Variants in EXTL3 observed in about 807,000 individuals in gnomAD.
EXTL3 encodes exostosin-like 3.
Under a neutral mutation model 69.3 loss-of-function variants are expected in EXTL3, and 27 were observed. That is an observed-to-expected ratio of 0.39 (90% confidence interval 0.29 to 0.54). EXTL3 has a LOEUF of 0.54. Among genes scored for constraint, EXTL3 ranks in the 20% least tolerant of loss-of-function variants. The probability of loss-of-function intolerance (pLI) is 0.69; values close to 1 mark genes in which losing one functional copy is unlikely to be tolerated. For missense variants in EXTL3, 1,003 were observed against 1,231.8 expected (o/e 0.81, Z 2.78); for synonymous variants, 511 against 499.4 (o/e 1.02, Z -0.31).
chr8:28,703,633 G>A (rs1800859220), intron 1 of EXTL3, among the ~76,000 whole-genome samples: 1 of 152,054 alleles, frequency 6.6e-6, no homozygotes, highest in African/African-American at 2.4e-5. Context: ...AGGAGGGTGG[G>A]AGGGATTCCC....
chr8:28,719,453 C>T (rs968870072), intron 3 of EXTL3, among the ~76,000 whole-genome samples: 15 of 152,208 alleles, frequency 9.9e-5, no homozygotes, highest in Admixed American at 7.9e-4. Context: ...TGTATCCTCT[C>T]TACATCATTT....
At chr8:28,657,313 T>C (rs1807027267) in intron 1 of EXTL3, among the ~76,000 whole-genome samples, 1 of 152,122 alleles carries the variant, frequency 6.6e-6, no homozygotes, top group Admixed American at 6.6e-5. Context: ...TTAAACTCAG[T>C]GGGAGGAAGA....
chr8:28,671,309 G>GTTTT (rs749395423), intron 1 of EXTL3, among the ~76,000 whole-genome samples: 29 of 89,630 alleles, frequency 3.2e-4, no homozygotes, highest in East Asian at 7.1e-4. Flanking sequence ...TTTGTTTTTT[G>GTTTT]TTTTTTTTTT....
At chr8:28,731,133 A>C in intron 3 of EXTL3, 90 bp from the exon 4 acceptor site, 1 of 1,528,912 alleles carries the variant, frequency 6.5e-7, no homozygotes. Flanking sequence ...CAGTAAATCC[A>C]GCCATGGTCT....
intron 1 of EXTL3, among the ~76,000 whole-genome samples, chr8:28,657,696 A>C (rs1388763607): frequency 6.6e-6 from 1 of 152,142 alleles, no homozygotes. Flanking sequence ...ATTTAAAAAA[A>C]AAATTGGAAA....
intron 1 of EXTL3, among the ~76,000 whole-genome samples, chr8:28,687,332 G>A (rs538231010): frequency 2.6e-5 from 4 of 152,266 alleles, no homozygotes; most frequent in South Asian, 2.1e-4. Context: ...CAGGTGCAGC[G>A]GCATGCGCCT....
chr8:28,720,956 A>G (rs1007799782), intron 3 of EXTL3, among the ~76,000 whole-genome samples: 2 of 152,212 alleles, frequency 1.3e-5, no homozygotes, highest in Non-Finnish European at 2.9e-5. Context: ...CACCACTTTC[A>G]TGGCACCTGA....
At chr8:28,684,744 A>G (rs971959986) in intron 1 of EXTL3, among the ~76,000 whole-genome samples, 2 of 152,146 alleles carry the variant, frequency 1.3e-5, no homozygotes, top group Non-Finnish European at 2.9e-5. Context: ...CCTGCCTCAG[A>G]AAAAATATTT....
chr8:28,734,683 G>A (rs1385401957), intron 4 of EXTL3, among the ~76,000 whole-genome samples: 1 of 152,146 alleles, frequency 6.6e-6, no homozygotes, highest in Non-Finnish European at 1.5e-5. Flanking sequence ...CTTCTAGCCT[G>A]GGCAACAGAG....
At chr8:28,745,578 C>T (rs948432084) in intron 6 of EXTL3, among the ~76,000 whole-genome samples, 2 of 152,114 alleles carry the variant, frequency 1.3e-5, no homozygotes, top group Non-Finnish European at 2.9e-5. Context: ...CCTTATATAT[C>T]CTTTCTTATG....
At chr8:28,650,648 T>C (rs1158272716) in intron 1 of EXTL3, among the ~76,000 whole-genome samples, 4 of 152,150 alleles carry the variant, frequency 2.6e-5, no homozygotes, top group Admixed American at 2.6e-4. Context: ...TGAGCCACTG[T>C]GCCCGGCCTG....
upstream of EXTL3, among the ~76,000 whole-genome samples, chr8:28,619,298 A>C (rs1806374206): frequency 3.3e-5 from 3 of 91,466 alleles, no homozygotes; most frequent in Non-Finnish European, 6.5e-5. Flanking sequence ...AAAAAAAAAA[A>C]AAAAAAAAAA....
intron 5 of EXTL3, chr8:28,742,138 ACAT>A (rs1185855235): frequency 6.6e-6 from 1 of 152,254 alleles, no homozygotes; most frequent in African/African-American, 2.4e-5. Context: ...AGTAATTTCA[ACAT>A]CAACAGTAGA....
intron 1 of EXTL3, among the ~76,000 whole-genome samples, chr8:28,664,443 C>T (rs1387227137): frequency 2.0e-5 from 3 of 152,068 alleles, no homozygotes; most frequent in Admixed American, 6.5e-5. Flanking sequence ...AGTGAAGTGA[C>T]GTGATCATGG....
intron 1 of EXTL3, among the ~76,000 whole-genome samples, chr8:28,659,455 T>TA (rs765364490): frequency 6.6e-6 from 1 of 152,224 alleles, no homozygotes; most frequent in Non-Finnish European, 1.5e-5. Flanking sequence ...CACGCCTGAT[T>TA]AGAGTTCAGT....
At chr8:28,669,529 G>A (rs2130638625) in intron 1 of EXTL3, among the ~76,000 whole-genome samples, 1 of 152,328 alleles carries the variant, frequency 6.6e-6, no homozygotes, top group East Asian at 1.9e-4. Flanking sequence ...GCTTTCAGAA[G>A]TTTGAGAAGG....
intron 6 of EXTL3, among the ~76,000 whole-genome samples, chr8:28,746,807 C>A (rs1385068290): frequency 6.6e-6 from 1 of 152,140 alleles, no homozygotes; most frequent in Admixed American, 6.5e-5. Flanking sequence ...TTCTGAGTAG[C>A]TGGGACTATA....
At chr8:28,620,207 A>T (rs1806393175), upstream of EXTL3, among the ~76,000 whole-genome samples, 1 of 152,030 alleles carries the variant, frequency 6.6e-6, no homozygotes, top group South Asian at 2.1e-4. Flanking sequence ...TCCTGCAAGA[A>T]AAAAACTGAT....
At chr8:28,655,363 C>G (rs1169273841) in intron 1 of EXTL3, among the ~76,000 whole-genome samples, 3 of 152,178 alleles carry the variant, frequency 2.0e-5, no homozygotes, top group African/African-American at 7.2e-5. Context: ...AGATTGAATA[C>G]TTTGCCATGG....
Sources: gnomAD v4.1 joint callset for allele counts (sites outside exome capture counted in the v4.1 genomes callset) on GRCh38, gnomAD v4.1.1 for gene constraint, MANE v1.5 for transcripts, NCBI Gene and HGNC (gene_info 2026-07-23, HGNC 2026-07-21) for gene names.